Variants in ARHGEF11 observed in about 807,000 individuals in gnomAD.
The protein encoded by ARHGEF11 is Rho guanine nucleotide exchange factor 11.
In ARHGEF11, 55 loss-of-function variants were observed where a neutral mutation model predicts 193.7. That is an observed-to-expected ratio of 0.28 (90% CI 0.23 to 0.36). The LOEUF (loss-of-function observed/expected upper bound fraction) is 0.36, where lower values mean the gene tolerates loss of function less well. Among genes scored for constraint, ARHGEF11 ranks in the 10% least tolerant of loss-of-function variants. ARHGEF11 has a pLI of 1.00. For missense variants in ARHGEF11, 1,723 were observed against 2,005.6 expected (o/e 0.86, Z 2.69); for synonymous variants, 693 against 768.0 (o/e 0.90, Z 1.62).
chr1:156,947,132 T>C (rs568824825), intron 26 of ARHGEF11, 117 bp from the exon 27 acceptor site: 37 of 1,483,528 alleles, frequency 2.5e-5, no homozygotes, highest in Middle Eastern at 1.8e-4. Flanking sequence ...CTGGAAACCA[T>C]TGTACTTTCG....
chr1:156,975,905 T>C (rs1258681162), intron 7 of ARHGEF11, among the ~76,000 whole-genome samples: 1 of 152,222 alleles, frequency 6.6e-6, no homozygotes, highest in Non-Finnish European at 1.5e-5. Context: ...GCATGTGAAT[T>C]CTATTCCATT....
chr1:156,948,453 G>A lies in ARHGEF11; in HGVS notation c.1971C>T (p.Gly657=), dbSNP rs370747932. 2.5e-6 allele frequency: 4 copies of A among 1,614,228 alleles called. No homozygotes were observed. The highest frequency in any genetic ancestry group is 8.5e-7 in the Non-Finnish European group (1 of 1,180,046). ...IRLGRSESLK[G]REEMKRSRKA... The stretch of plus-strand genomic sequence containing the variant: ...TTCGAGACCGTTTCATCTCTTCCCG[G>A]CCCTTGAGGCTTTCAGAGCGGCCCA... The change falls in exon 23 of 41, where the codon GGC becomes GGT. Residue 657 remains glycine, a synonymous_variant. Transcript: ENST00000368194. The surrounding 1 kb of genome is among the most constrained non-coding windows in gnomAD (Gnocchi z 4.2).
intron 1 of ARHGEF11, among the ~76,000 whole-genome samples, chr1:157,028,049 C>G (rs1045441751): frequency 1.3e-5 from 2 of 152,202 alleles, no homozygotes; most frequent in Non-Finnish European, 2.9e-5. Flanking sequence ...TATATGACTA[C>G]AGCTGCATGA....
chr1:157,029,856 C>T (rs1206008919), intron 1 of ARHGEF11, among the ~76,000 whole-genome samples: 1 of 152,168 alleles, frequency 6.6e-6, no homozygotes, highest in African/African-American at 2.4e-5. Flanking sequence ...ATGGTTAAAT[C>T]TTTAAAATAT....
upstream of ARHGEF11, among the ~76,000 whole-genome samples, chr1:157,046,462 C>A (rs1020704014): frequency 6.6e-6 from 1 of 152,028 alleles, no homozygotes; most frequent in Non-Finnish European, 1.5e-5. Context: ...CACCTCTCTT[C>A]TGATCTTATT....
chr1:157,040,747 C>T (rs536394296), intron 1 of ARHGEF11, among the ~76,000 whole-genome samples: 122 of 152,188 alleles, frequency 8.0e-4, no homozygotes, highest in Non-Finnish European at 1.3e-3. Context: ...AAGTTGTGCA[C>T]GAAGCTAAAT....
At chr1:156,941,083 G>A (rs1211722187) in intron 35 of ARHGEF11, among the ~76,000 whole-genome samples, 2 of 148,062 alleles carry the variant, frequency 1.4e-5, no homozygotes, top group South Asian at 2.1e-4. Flanking sequence ...TGCAGGGCCC[G>A]TGGATCCCGC....
At chr1:156,962,435 CT>C in intron 13 of ARHGEF11, among the ~76,000 whole-genome samples, 1 of 152,286 alleles carries the variant, frequency 6.6e-6, no homozygotes, top group Admixed American at 6.5e-5. Context: ...GCTCTGAGCA[CT>C]TTCCCCGGCA....
rs4999300 is a variant in ARHGEF11 at position 156,992,615 on chromosome 1, G to A, written c.33-6442C>T. On this transcript the variant is annotated intron_variant, in intron 1 of 40. Transcript: ENST00000368194. ...AATGTGTATATATATGTGTGTGTGT[G>A]TATATATATATATATTTTAAAAGTT... Among the ~76,000 whole-genome samples the A allele has an allele frequency of 1.1e-3, 145 of 131,722 alleles. No homozygotes were observed. In the Middle Eastern group the frequency reaches 0.02, roughly 18 times the overall value. 86.4% of individuals were successfully genotyped at this position (131,722 alleles called of 152,430 possible).
At chr1:157,042,282 C>T (rs1471800224) in intron 1 of ARHGEF11, among the ~76,000 whole-genome samples, 4 of 152,134 alleles carry the variant, frequency 2.6e-5, no homozygotes, top group Non-Finnish European at 5.9e-5. Flanking sequence ...AAGGTAGGAG[C>T]CCCAAGACAG....
intron 2 of ARHGEF11, 49 bp from the exon 3 acceptor site, chr1:156,984,486 G>T: frequency 6.9e-7 from 1 of 1,444,832 alleles, no homozygotes; most frequent in Non-Finnish European, 9.5e-7. Context: ...TGGGAGGTTA[G>T]TGTACACATG....
Position 156,963,599 on chromosome 1 carries a change from G to C in ARHGEF11, c.964-5C>G. On this transcript the variant is annotated splice_region_variant and splice_polypyrimidine_tract_variant and intron_variant, in intron 11 of 40. Transcript: ENST00000368194. ...CTTTGGGCTTTGATCTACACCCTGG[G>C]GGAGAGAGTCAAATTGCAGAGATGA... 6.2e-7 allele frequency: 1 copy of C among 1,613,508 alleles called. No homozygotes were observed. Among genetic ancestry groups the C allele is most frequent in the Non-Finnish European group, 8.5e-7 (1 of 1,179,818 alleles).
intron 19 of ARHGEF11, 145 bp from the exon 20 acceptor site, chr1:156,955,944 C>T (rs917619274): frequency 2.7e-5 from 19 of 711,078 alleles, no homozygotes; most frequent in Non-Finnish European, 3.5e-5. Context: ...CAAGCATGTT[C>T]GCCTCTGGCC....
rs117511268 is a variant in ARHGEF11 at position 156,948,652 on chromosome 1, A to G, written c.1926-154T>C. 1,226 of 1,555,598 alleles carry G rather than the reference A, an allele frequency of 7.9e-4. 30 individuals carry two copies. The East Asian group carries it at 0.021, about 27-fold the overall frequency. On this transcript the variant is annotated intron_variant, in intron 22 of 40. Coordinates refer to ENST00000368194, the MANE Select transcript of ARHGEF11 (RefSeq NM_198236.3). This position sits in a 1 kb window ranked among gnomAD's most constrained non-coding sequence, Gnocchi z 4.2. Reference sequence around the variant, plus strand: ...GCCAAAGCAGCTGGATGGCAGTGGAAGCTTCTCAATGACAGACTATTTTTG... The same window carrying G: ...GCCAAAGCAGCTGGATGGCAGTGGAGGCTTCTCAATGACAGACTATTTTTG...
intron 1 of ARHGEF11, among the ~76,000 whole-genome samples, chr1:156,991,260 T>A (rs2102545210): frequency 6.6e-6 from 1 of 152,348 alleles, no homozygotes; most frequent in Middle Eastern, 3.4e-3. Context: ...TCAGACTGTA[T>A]CCCAGTATCA....
intron 1 of ARHGEF11, among the ~76,000 whole-genome samples, chr1:157,036,956 T>C (rs1446064682): frequency 2.0e-5 from 3 of 151,754 alleles, no homozygotes; most frequent in South Asian, 2.1e-4. Context: ...TGAAACCCCG[T>C]CTCTACTAAA....
At chr1:156,967,825 T>C in intron 11 of ARHGEF11, 162 bp downstream of exon 11, 1 of 866,610 alleles carries the variant, frequency 1.2e-6, no homozygotes, top group Non-Finnish European at 1.8e-6. Context: ...CCATGTTCTC[T>C]TTCTTTACTA....
chr1:156,977,941 G>A (rs112106501), intron 6 of ARHGEF11, among the ~76,000 whole-genome samples: 6 of 152,186 alleles, frequency 3.9e-5, no homozygotes, highest in Admixed American at 2.0e-4. Context: ...CATCCTTAGA[G>A]TCTTCTACAC....
chr1:156,963,889 T>C (rs2102214870), intron 11 of ARHGEF11: 1 of 661,446 alleles, frequency 1.5e-6, no homozygotes, highest in South Asian at 3.0e-5. Flanking sequence ...AGATCTGGGG[T>C]GGGACTGTCA....
Sources: allele counts gnomAD v4.1 joint callset (sites outside exome capture counted in the v4.1 genomes callset), GRCh38; gene constraint gnomAD v4.1.1; non-coding constraint Gnocchi (gnomAD v3.1); transcripts MANE v1.5; gene names NCBI Gene and HGNC (gene_info 2026-07-23, HGNC 2026-07-21).